The following MAPT variants were observed in gnomAD, a reference collection of about 807,000 sequenced individuals.
MAPT encodes microtubule associated protein tau.
In MAPT, 34 loss-of-function variants were observed where a neutral mutation model predicts 67.9. The observed-to-expected ratio is 0.50, with a 90% CI of 0.38 to 0.67. MAPT has a LOEUF of 0.67. Ranked by LOEUF, MAPT falls within the 30% of genes least tolerant of loss-of-function variation. MAPT has a pLI of 0.00. For synonymous variants in MAPT, 456 were observed against 464.5 expected, an observed-to-expected ratio of 0.98 and a Z score of 0.23; for missense variants, 881 against 1,115.2, an observed-to-expected ratio of 0.79 and a Z score of 2.99.
intron 1 of MAPT, among the ~76,000 whole-genome samples, chr17:45,931,516 G>T (rs1256629593): frequency 1.3e-5 from 2 of 152,056 alleles, no homozygotes; most frequent in African/African-American, 2.4e-5. Context: ...GTAAATCATT[G>T]CTTGGTTACT....
At chr17:46,015,768 C>T (rs1378048000) in intron 11 of MAPT, among the ~76,000 whole-genome samples, 1 of 152,306 alleles carries the variant, frequency 6.6e-6, no homozygotes, top group Middle Eastern at 3.4e-3. Flanking sequence ...ATGGATACCC[C>T]ATTTTCCATG....
In MAPT at chr17:45,996,795, G is replaced by A. The variant is rs1298527790; in HGVS notation, c.1998+131G>A. 8.4e-6 allele frequency: 11 copies of A among 1,314,358 alleles called. No homozygotes were observed. The highest frequency in any genetic ancestry group is 2.5e-5 in the Admixed American group (1 of 40,510). 81.4% of individuals were successfully genotyped at this position (1,314,358 alleles called of 1,614,324 possible). On this transcript the variant is annotated intron_variant, in intron 9 of 12. Transcript: ENST00000262410. The surrounding 1 kb of genome is among the most constrained non-coding windows in gnomAD (Gnocchi z 4.5). ...GAGTCGTGGGACTGTGCATGGAGGT[G>A]TGGGGCTCCCCGCACCTGAGCACCC... is the stretch of plus-strand genomic sequence containing the variant.
intron 1 of MAPT, among the ~76,000 whole-genome samples, chr17:45,936,211 T>A (rs975765854): frequency 4.6e-5 from 7 of 152,232 alleles, no homozygotes; most frequent in Non-Finnish European, 1.0e-4. Context: ...CCACCTCTGC[T>A]CCTGTTTCCA....
At chr17:45,954,704 G>T (rs2069432807) in intron 1 of MAPT, among the ~76,000 whole-genome samples, 1 of 152,164 alleles carries the variant, frequency 6.6e-6, no homozygotes, top group Non-Finnish European at 1.5e-5. Flanking sequence ...AAGCTGGCCG[G>T]GCATGGTGGC....
At chr17:45,987,412 G>A (rs2073661087) in intron 6 of MAPT, among the ~76,000 whole-genome samples, 1 of 152,168 alleles carries the variant, frequency 6.6e-6, no homozygotes, top group African/African-American at 2.4e-5. Context: ...AGTAAATGAA[G>A]GTGTGTTTGA....
intron 12 of MAPT, among the ~76,000 whole-genome samples, chr17:46,019,183 T>A (rs1285035161): frequency 6.6e-6 from 1 of 152,108 alleles, no homozygotes; most frequent in Non-Finnish European, 1.5e-5. Context: ...ATTTCTTACA[T>A]GGCGACAGGC....
At chr17:45,903,848 T>TA (rs2063819371) in intron 1 of MAPT, among the ~76,000 whole-genome samples, 2 of 48,626 alleles carry the variant, frequency 4.1e-5, no homozygotes, top group Admixed American at 3.9e-4. Flanking sequence ...ATTTTATATA[T>TA]TATATATTAT....
intron 3 of MAPT, chr17:45,976,680 G>C (rs1036299186): frequency 6.6e-6 from 1 of 152,382 alleles, no homozygotes; most frequent in African/African-American, 2.4e-5. Flanking sequence ...CCATGGTACA[G>C]AGAGGCCAGC....
chr17:46,014,474 C>G, intron 11 of MAPT, 150 bp downstream of exon 11: 1 of 707,106 alleles, frequency 1.4e-6, no homozygotes, highest in Non-Finnish European at 2.6e-6. Context: ...GTGAAACTTG[C>G]GGGAGCCCAG....
chr17:45,978,195 C>T (rs1388343120), intron 3 of MAPT, 180 bp from the exon 4 acceptor site: 1 of 652,104 alleles, frequency 1.5e-6, no homozygotes, highest in African/African-American at 1.8e-5. Context: ...GAACTTTTAT[C>T]ACCAGCATCC....
Position 45,906,484 on chromosome 17 carries a change from C to T in MAPT, c.-18+11798C>T, listed in dbSNP as rs924144429. Among the ~76,000 whole-genome samples the T allele has an allele frequency of 2.0e-5, 3 of 152,150 alleles. No homozygotes were observed. The highest frequency in any genetic ancestry group is 1.3e-4 in the Admixed American group (2 of 15,270). ...TGACATCTGTTTGGTGTCAAAGGCA[C>T]GGGGCAGGCGCGTTAATTGAACTGC... On this transcript the variant is annotated intron_variant, in intron 1 of 12. Transcript: ENST00000262410. This position sits in a 1 kb window ranked among gnomAD's most constrained non-coding sequence, Gnocchi z 4.3.
rs935944014 is a variant in MAPT, at chr17:45,897,993, A to C, written c.-18+3307A>C. 4.0e-5 allele frequency: 6 copies of C among 151,604 alleles called. No homozygotes were observed. The highest frequency in any genetic ancestry group is 1.5e-4 in the African/African-American group (6 of 41,350). The allele number at this position is 151,604 out of a possible 1,614,324, so 9.4% of individuals were successfully genotyped here. A position where few individuals can be genotyped will look rare whatever the true frequency, so the allele number is the denominator to read the frequency against. Reference sequence around the variant, plus strand: ...ATTTACTGTATAAGCATTGTATTATAATTACTGTATAAGCTGCTTATATTT... The same window carrying C: ...ATTTACTGTATAAGCATTGTATTATCATTACTGTATAAGCTGCTTATATTT... On this transcript the variant is annotated intron_variant, in intron 1 of 12. Transcript: ENST00000262410. This position sits in a 1 kb window ranked among gnomAD's most constrained non-coding sequence, Gnocchi z 5.0.
intron 1 of MAPT, among the ~76,000 whole-genome samples, chr17:45,934,580 T>C (rs1406578842): frequency 6.6e-6 from 1 of 151,928 alleles, no homozygotes; most frequent in Admixed American, 6.5e-5. Flanking sequence ...TTTTGCTAGC[T>C]GACAGCCACT....
chr17:45,945,365 C>T (rs955234664), intron 1 of MAPT, among the ~76,000 whole-genome samples: 4 of 152,264 alleles, frequency 2.6e-5, no homozygotes, highest in Admixed American at 6.5e-5. Context: ...AAAAAGGGAT[C>T]GAAGATGTAA....
At position 45,896,056 on chromosome 17, in the gene MAPT, C is replaced by G. The variant is rs1000059184; in HGVS notation, c.-18+1370C>G. 1.2e-4 allele frequency: 18 copies of G among 152,382 alleles called. No homozygotes were observed. Among genetic ancestry groups the G allele is most frequent in the Admixed American group, 9.2e-4 (14 of 15,292 alleles). The allele number at this position is 152,382 out of a possible 1,614,324, so 9.4% of individuals were successfully genotyped here. A position where few individuals can be genotyped will look rare whatever the true frequency, so the allele number is the denominator to read the frequency against. Reference sequence around the variant, plus strand: ...CTGAGGGTGTTCAGTCAACCTCCCCCCTACGCCCATGCGCCTCTCTTTCCT... The same window carrying G: ...CTGAGGGTGTTCAGTCAACCTCCCCGCTACGCCCATGCGCCTCTCTTTCCT... On this transcript the variant is annotated intron_variant, in intron 1 of 12. Coordinates refer to ENST00000262410, the MANE Select transcript of MAPT (RefSeq NM_001377265.1). This position sits in a 1 kb window ranked among gnomAD's most constrained non-coding sequence, Gnocchi z 5.6.
At chr17:45,903,028 G>C (rs2063721531) in intron 1 of MAPT, among the ~76,000 whole-genome samples, 1 of 152,158 alleles carries the variant, frequency 6.6e-6, no homozygotes, top group South Asian at 2.1e-4. Flanking sequence ...ACCACAAAAA[G>C]TCCAGGGATG....
chr17:45,911,367 C>T (rs528924330), intron 1 of MAPT, among the ~76,000 whole-genome samples: 4 of 152,326 alleles, frequency 2.6e-5, no homozygotes, highest in Non-Finnish European at 4.4e-5. Context: ...TGAGTGGCTG[C>T]GCCTGTAGTC....
chr17:45,963,735 T>C (rs55709241), intron 2 of MAPT, among the ~76,000 whole-genome samples: 21,732 of 152,098 alleles, frequency 0.14, 2,100 homozygotes, highest in Non-Finnish European at 0.22. Context: ...GGAAGATTGC[T>C]GGAGTGGGTG....
Position 45,897,098 on chromosome 17 carries a change from TG to T in MAPT, c.-18+2415del, listed in dbSNP as rs1256736577. The stretch of plus-strand genomic sequence containing the variant: ...GGTACTGCGAGGCTCCTCGCATGGC[TG>T]GGCCCGCCGCGAGGGGTTGCAGAGC... On this transcript the variant is annotated intron_variant, in intron 1 of 12. Coordinates refer to ENST00000262410, the MANE Select transcript of MAPT (RefSeq NM_001377265.1). This position sits in a 1 kb window ranked among gnomAD's most constrained non-coding sequence, Gnocchi z 5.0. 6.6e-6 allele frequency: 1 copy of T among 152,286 alleles called. No homozygotes were observed. The highest frequency in any genetic ancestry group is 2.4e-5 in the African/African-American group (1 of 41,458). The allele number at this position is 152,286 out of a possible 1,614,324, so 9.4% of individuals were successfully genotyped here.
Sources: allele counts gnomAD v4.1 joint callset (sites outside exome capture counted in the v4.1 genomes callset), GRCh38; gene constraint gnomAD v4.1.1; non-coding constraint Gnocchi (gnomAD v3.1); transcripts MANE v1.5; gene names NCBI Gene and HGNC (gene_info 2026-07-23, HGNC 2026-07-21).